The following MGAT1 variants were observed in gnomAD, a reference collection of about 807,000 sequenced individuals.
MGAT1 encodes the protein N-glycosyl-oligosaccharide-glycoprotein N-acetylglucosaminyltransferase I.
Under a neutral mutation model 31.7 loss-of-function variants are expected in MGAT1, and 14 were observed. The observed-to-expected ratio is 0.44, with a 90% CI of 0.29 to 0.69. MGAT1 has a LOEUF of 0.69. MGAT1 is among the 30% of genes least tolerant of loss of function. The probability of loss-of-function intolerance (pLI) is 0.12; values close to 1 mark genes in which losing one functional copy is unlikely to be tolerated. For missense variants in MGAT1, 557 were observed against 626.0 expected (o/e 0.89, Z 1.18); for synonymous variants, 338 against 276.0 (o/e 1.22, Z -2.23).
Position 180,802,801 on chromosome 5 carries a change from T to G in MGAT1, c.-248A>C, listed in dbSNP as rs1771153492. Reference sequence around the variant, plus strand: ...CCTCGCCTTTCGACTCGCCAGCCCTTTCTGCGGCGCGCCGGGGCCGGACGG... The same window carrying G: ...CCTCGCCTTTCGACTCGCCAGCCCTGTCTGCGGCGCGCCGGGGCCGGACGG... On this transcript the variant is annotated 5_prime_UTR_variant, in exon 1 of 2. Transcript: ENST00000307826. The G allele has an allele frequency of 6.6e-6, 1 of 151,664 alleles. No homozygotes were observed. Among genetic ancestry groups the G allele is most frequent in the South Asian group, 2.1e-4 (1 of 4,826 alleles). The allele number at this position is 151,664 out of a possible 1,614,324, so 9.4% of individuals were successfully genotyped here.
Position 180,790,333 on chromosome 5 carries a change from G to A in MGAT1, c.*1301C>T, listed in dbSNP as rs964330780. The A allele has an allele frequency of 1.3e-5, 2 of 152,290 alleles. No individual in the cohort carries two copies. Among genetic ancestry groups the A allele is most frequent in the African/African-American group, 4.8e-5 (2 of 41,408 alleles). 9.4% of individuals were successfully genotyped at this position (152,290 alleles called of 1,614,324 possible). A position where few individuals can be genotyped will look rare whatever the true frequency, so the allele number is the denominator to read the frequency against. On this transcript the variant is annotated 3_prime_UTR_variant, in exon 2 of 2. Coordinates refer to ENST00000307826, the MANE Select transcript of MGAT1 (RefSeq NM_002406.4). ...GGACGATCAGCAGGAGCACAGTCCGGGGCTCCTCTCCACCTTGTGGCCTGG... is the reference window on the plus strand; with the variant it reads ...GGACGATCAGCAGGAGCACAGTCCGAGGCTCCTCTCCACCTTGTGGCCTGG...
intron 1 of MGAT1, among the ~76,000 whole-genome samples, chr5:180,797,954 C>T (rs1458865031): frequency 6.8e-6 from 1 of 146,330 alleles, no homozygotes; most frequent in Non-Finnish European, 1.5e-5. Context: ...ACACATGAAC[C>T]AGGAGCCATA....
In MGAT1 at chr5:180,791,526, T is replaced by G; in HGVS notation, c.*108A>C. The G allele has an allele frequency of 7.3e-7, 1 of 1,362,780 alleles. No homozygotes were observed. The highest frequency in any genetic ancestry group is 2.3e-5 in the Admixed American group (1 of 43,838). 84.4% of individuals were successfully genotyped at this position (1,362,780 alleles called of 1,614,324 possible). A position where few individuals can be genotyped will look rare whatever the true frequency, so the allele number is the denominator to read the frequency against. On this transcript the variant is annotated 3_prime_UTR_variant, in exon 2 of 2. Transcript: ENST00000307826. The stretch of plus-strand genomic sequence containing the variant: ...ATGCCACTCGGAAAAATCAAAAAGA[T>G]AAATGCACCTAAGAGGGAAACACAG...
At chr5:180,810,802 C>T (rs989828838) in intron 1 of MGAT1, 1 of 152,406 alleles carries the variant, frequency 6.6e-6, no homozygotes, top group African/African-American at 2.4e-5. Flanking sequence ...TTGTTTCGTT[C>T]ATCGCTGCTG....
rs546262965 is a variant in MGAT1 at position 180,794,890 on chromosome 5, T to C, written c.-126-1793A>G. On this transcript the variant is annotated intron_variant, in intron 1 of 1. Coordinates refer to ENST00000307826, the MANE Select transcript of MGAT1 (RefSeq NM_002406.4). ...AAAACCTACACAGGAGTGTTGATGG[T>C]AACTTTATTCATAATCACTCAAAAC... is the stretch of plus-strand genomic sequence containing the variant. Among the ~76,000 whole-genome samples the C allele has an allele frequency of 9.8e-5, 15 of 152,328 alleles. No homozygotes were observed. The South Asian group carries it at 1.4e-3, about 15-fold the overall frequency.
chr5:180,785,352 C>T lies in MGAT1; in HGVS notation c.*6282G>A, dbSNP rs1006588987. On this transcript the variant is annotated 3_prime_UTR_variant, in exon 2 of 2. Transcript: ENST00000307826. ...TCAGCAGCTTAAAATACCCGTTTCA[C>T]ATTGCCCACCATTTGTGAGTCAGAA... 3.3e-5 allele frequency: 5 copies of T among 152,282 alleles called. No individual in the cohort carries two copies. The highest frequency in any genetic ancestry group is 1.2e-4 in the African/African-American group (5 of 41,464). 9.4% of individuals were successfully genotyped at this position (152,282 alleles called of 1,614,324 possible). A position where few individuals can be genotyped will look rare whatever the true frequency, so the allele number is the denominator to read the frequency against.
intron 1 of MGAT1, among the ~76,000 whole-genome samples, chr5:180,802,120 G>GGGAGCC (rs1770900887): frequency 6.6e-6 from 1 of 152,078 alleles, no homozygotes; most frequent in Non-Finnish European, 1.5e-5. Context: ...TCAGCCTTCA[G>GGGAGCC]GGAGCCGGCC....
rs749717945 is a variant in MGAT1, at chr5:180,791,897, G to A, written c.1075C>T (p.Leu359Phe). 4.2e-5 allele frequency: 68 copies of A among 1,614,120 alleles called. No individual in the cohort carries two copies. The highest frequency in any genetic ancestry group is 5.5e-5 in the Non-Finnish European group (65 of 1,180,058). Residue 359 changes from leucine (L) to phenylalanine (F), a missense_variant, in exon 2 of 2, where the codon CTC becomes TTC. By Grantham distance (22) the Leu-to-Phe change is conservative. This residue lies in a region of MGAT1 where 145 missense variants were observed against 143.2 expected (regional missense o/e 1.01). Coordinates refer to ENST00000307826, the MANE Select transcript of MGAT1 (RefSeq NM_002406.4). ...TGGGGAGCACCGTAGACGCGGGCGA[G>A]GAAATCTCGGTCATAGGCCTCCCGC... is the stretch of plus-strand genomic sequence containing the variant. ...LQREAYDRDF[L>F]ARVYGAPQLQ...
chr5:180,806,807 G>A (rs1191002839), upstream of MGAT1, among the ~76,000 whole-genome samples: 3 of 152,254 alleles, frequency 2.0e-5, no homozygotes, highest in Non-Finnish European at 4.4e-5. Flanking sequence ...TGGTACCTGG[G>A]ATACCAGAGA....
chr5:180,799,865 T>C (rs1333121805), intron 1 of MGAT1, among the ~76,000 whole-genome samples: 2 of 152,166 alleles, frequency 1.3e-5, no homozygotes, highest in Non-Finnish European at 2.9e-5. Context: ...CCTCTTAAGA[T>C]GCTGACTCCT....
chr5:180,792,385 A>G lies in MGAT1; in HGVS notation c.587T>C (p.Val196Ala), dbSNP rs749324267. Residue 196 changes from valine to alanine, a missense_variant, in exon 2 of 2, where the codon GTC becomes GCC. Coordinates refer to ENST00000307826, the MANE Select transcript of MGAT1 (RefSeq NM_002406.4). ...ARHYRWALGQVFRQFRFPAAV... is the reference protein window; with the variant it reads ...ARHYRWALGQAFRQFRFPAAV... ...CGCGGGGAAGCGAAACTGCCGGAAG[A>G]CCTGGCCCAGCGCCCAGCGGTAGTG... 5 of 1,610,792 alleles carry G rather than the reference A, an allele frequency of 3.1e-6. No individual in the cohort carries two copies. In the East Asian group the frequency reaches 1.1e-4, roughly 36 times the overall value.
At chr5:180,806,629 C>T (rs1465746971), upstream of MGAT1, among the ~76,000 whole-genome samples, 5 of 152,174 alleles carry the variant, frequency 3.3e-5, no homozygotes, top group Non-Finnish European at 5.9e-5. Flanking sequence ...CAGTGCCTAC[C>T]GCTCTACCCT....
rs1305268893 is a variant in MGAT1, at chr5:180,787,292, C to T, written c.*4342G>A. ...CCCTGGTGTCTACTTCCTAAACTCC[C>T]TGTGAATTGCCAGGGGCCAGAATGT... is the stretch of plus-strand genomic sequence containing the variant. On this transcript the variant is annotated 3_prime_UTR_variant, in exon 2 of 2. Coordinates refer to ENST00000307826, the MANE Select transcript of MGAT1 (RefSeq NM_002406.4). The T allele has an allele frequency of 6.6e-6, 1 of 152,304 alleles. No individual in the cohort carries two copies. The highest frequency in any genetic ancestry group is 1.5e-5 in the Non-Finnish European group (1 of 68,092). The allele number at this position is 152,304 out of a possible 1,614,324, so 9.4% of individuals were successfully genotyped here.
In MGAT1 at chr5:180,786,431, C is replaced by T. The variant is rs922737340; in HGVS notation, c.*5203G>A. On this transcript the variant is annotated 3_prime_UTR_variant, in exon 2 of 2. Coordinates refer to ENST00000307826, the MANE Select transcript of MGAT1 (RefSeq NM_002406.4). Reference sequence around the variant, plus strand: ...TGGTCTTCCAGGCACCGTGTATGGCCGTGGTCCCTGTAGTCGCCCATACAA... The same window carrying T: ...TGGTCTTCCAGGCACCGTGTATGGCTGTGGTCCCTGTAGTCGCCCATACAA... The T allele has an allele frequency of 6.6e-5, 10 of 152,268 alleles. No homozygotes were observed. Among genetic ancestry groups the T allele is most frequent in the African/African-American group, 2.2e-4 (9 of 41,438 alleles). The allele number at this position is 152,268 out of a possible 1,614,324, so 9.4% of individuals were successfully genotyped here.
rs1454801390 is a variant in MGAT1, at chr5:180,787,414, G to C, written c.*4220C>G. The C allele has an allele frequency of 1.3e-5, 2 of 152,218 alleles. No homozygotes were observed. Among genetic ancestry groups the C allele is most frequent in the Non-Finnish European group, 2.9e-5 (2 of 68,038 alleles). The allele number at this position is 152,218 out of a possible 1,614,324, so 9.4% of individuals were successfully genotyped here. On this transcript the variant is annotated 3_prime_UTR_variant, in exon 2 of 2. Coordinates refer to ENST00000307826, the MANE Select transcript of MGAT1 (RefSeq NM_002406.4). The stretch of plus-strand genomic sequence containing the variant: ...TCAGAAAGCCTGAAATCCCACGTTA[G>C]ATATTTCAGAAAGAGGGCAAGCTTC...
At chr5:180,797,798 T>G (rs1053314004) in intron 1 of MGAT1, among the ~76,000 whole-genome samples, 1 of 152,244 alleles carries the variant, frequency 6.6e-6, no homozygotes, top group African/African-American at 2.4e-5. Context: ...AACTTGCTCC[T>G]GTTGCCATAA....
At chr5:180,811,531 C>T (rs1772567385) in intron 1 of MGAT1, 4 of 151,582 alleles carry the variant, frequency 2.6e-5, no homozygotes, top group Admixed American at 1.3e-4. Flanking sequence ...CAGCTTCACT[C>T]TCTCACCCCC....
At position 180,786,091 on chromosome 5, in the gene MGAT1, T is replaced by G. The variant is rs960598984; in HGVS notation, c.*5543A>C. 5 of 152,316 alleles carry G rather than the reference T, an allele frequency of 3.3e-5. No homozygotes were observed. Among genetic ancestry groups the G allele is most frequent in the Non-Finnish European group, 7.3e-5 (5 of 68,072 alleles). 9.4% of individuals were successfully genotyped at this position (152,316 alleles called of 1,614,324 possible). On this transcript the variant is annotated 3_prime_UTR_variant, in exon 2 of 2. Transcript: ENST00000307826. ...AGCTGAACCAGGGCAGCATTTGCTG[T>G]GAGCTGGGAGCCATGTGTTGAAGAC...
chr5:180,808,924 G>C (rs1561879512), exon 2 of MGAT1: 2 of 152,188 alleles, frequency 1.3e-5, no homozygotes, highest in Admixed American at 1.3e-4. Flanking sequence ...TCAGAGTCTG[G>C]TGATGGACAG....
Sources: allele counts gnomAD v4.1 joint callset (sites outside exome capture counted in the v4.1 genomes callset), GRCh38; gene constraint gnomAD v4.1.1; regional missense constraint gnomAD v4.1.1; transcripts MANE v1.5; gene names NCBI Gene and HGNC (gene_info 2026-07-23, HGNC 2026-07-21).